Variants in NALF1 observed in about 807,000 individuals in gnomAD.
The protein encoded by NALF1 is family with sequence similarity 155 member A.
NALF1 carries 3 observed loss-of-function variants against 48.4 expected under a neutral mutation model. The ratio of observed to expected loss-of-function variants is 0.06; its 90% CI spans 0.03 to 0.16. NALF1 has a LOEUF of 0.16. NALF1 is among the 10% of genes least tolerant of loss of function. The pLI, the probability that NALF1 is intolerant of heterozygous loss-of-function variation, is 1.00. For missense variants in NALF1, 526 were observed against 571.5 expected (o/e 0.92, Z 0.81); for synonymous variants, 262 against 245.7 (o/e 1.07, Z -0.62).
intron 1 of NALF1, among the ~76,000 whole-genome samples, chr13:107,505,492 T>G (rs1377194932): frequency 6.6e-6 from 1 of 152,136 alleles, no homozygotes; most frequent in Non-Finnish European, 1.5e-5. Flanking sequence ...TGCTAGAGGC[T>G]GATTTATATG....
intron 1 of NALF1, among the ~76,000 whole-genome samples, chr13:107,404,794 G>A (rs148390334): frequency 6.6e-6 from 1 of 152,154 alleles, no homozygotes; most frequent in Non-Finnish European, 1.5e-5. Flanking sequence ...TGGGTGAATA[G>A]TCCAGTTACA....
chr13:107,406,483 T>C (rs942464620), intron 1 of NALF1, among the ~76,000 whole-genome samples: 1 of 151,914 alleles, frequency 6.6e-6, no homozygotes, highest in Non-Finnish European at 1.5e-5. Context: ...CAATGAAAAC[T>C]ATAAAACACT....
At chr13:107,447,526 G>A (rs1373403946) in intron 1 of NALF1, among the ~76,000 whole-genome samples, 1 of 152,180 alleles carries the variant, frequency 6.6e-6, no homozygotes, top group Admixed American at 6.5e-5. Flanking sequence ...CTTCTACTGA[G>A]CTTTACCAAT....
At chr13:107,737,575 C>CA (rs1300143551) in intron 1 of NALF1, among the ~76,000 whole-genome samples, 6 of 151,480 alleles carry the variant, frequency 4.0e-5, no homozygotes, top group East Asian at 1.9e-4. Flanking sequence ...TTTCTTAATC[C>CA]AAAAAAAATT....
At chr13:107,240,002 G>T (rs756131813) in intron 1 of NALF1, among the ~76,000 whole-genome samples, 4 of 152,096 alleles carry the variant, frequency 2.6e-5, no homozygotes, top group Non-Finnish European at 5.9e-5. Context: ...AATCAAATCT[G>T]GTAAGAAAGT....
At chr13:107,811,443 C>G (rs1439622530) in intron 1 of NALF1, among the ~76,000 whole-genome samples, 2 of 152,130 alleles carry the variant, frequency 1.3e-5, no homozygotes, top group African/African-American at 4.8e-5. Context: ...ATCTCTGTTA[C>G]AGTTCTATAT....
At chr13:107,505,151 T>G (rs1351675201) in intron 1 of NALF1, among the ~76,000 whole-genome samples, 1 of 152,106 alleles carries the variant, frequency 6.6e-6, no homozygotes, top group Non-Finnish European at 1.5e-5. Flanking sequence ...ACAGGAGAAG[T>G]GGCTGGGGTG....
intron 1 of NALF1, among the ~76,000 whole-genome samples, chr13:107,700,939 C>T (rs1382403234): frequency 6.6e-6 from 1 of 152,044 alleles, no homozygotes; most frequent in Non-Finnish European, 1.5e-5. Flanking sequence ...TTCTATATCA[C>T]CTTAAGCCCA....
intron 1 of NALF1, among the ~76,000 whole-genome samples, chr13:107,709,886 G>A (rs1383313567): frequency 6.6e-6 from 1 of 152,062 alleles, no homozygotes; most frequent in African/African-American, 2.4e-5. Flanking sequence ...CATAGCTCTC[G>A]GTCTCAAATA....
chr13:107,412,747 A>G (rs952392901), intron 1 of NALF1, among the ~76,000 whole-genome samples: 5 of 152,316 alleles, frequency 3.3e-5, no homozygotes, highest in Admixed American at 6.5e-5. Flanking sequence ...AAAAAAATGC[A>G]TATCTACCCA....
At chr13:107,281,085 T>C (rs535643161) in intron 1 of NALF1, among the ~76,000 whole-genome samples, 65 of 152,334 alleles carry the variant, frequency 4.3e-4, no homozygotes, top group African/African-American at 1.5e-3. Context: ...CAAATATTCA[T>C]TGGTGAATTT....
At chr13:107,581,700 GC>G (rs1356708832) in intron 1 of NALF1, among the ~76,000 whole-genome samples, 2 of 152,142 alleles carry the variant, frequency 1.3e-5, no homozygotes, top group African/African-American at 4.8e-5. Flanking sequence ...AGGTCCTTGA[GC>G]CCTGTACAGC....
At chr13:107,632,471 A>C (rs933872468) in intron 1 of NALF1, among the ~76,000 whole-genome samples, 1 of 151,822 alleles carries the variant, frequency 6.6e-6, no homozygotes, top group African/African-American at 2.4e-5. Flanking sequence ...TAAGGAACCC[A>C]CCTCCCTAAT....
At chr13:107,265,995 A>G (rs1881031270) in intron 1 of NALF1, among the ~76,000 whole-genome samples, 1 of 152,146 alleles carries the variant, frequency 6.6e-6, no homozygotes. Context: ...TTCTTCTCTC[A>G]AGCTTCCTGA....
intron 1 of NALF1, among the ~76,000 whole-genome samples, chr13:107,723,848 C>A (rs1429103354): frequency 6.6e-6 from 1 of 152,156 alleles, no homozygotes; most frequent in African/African-American, 2.4e-5. Flanking sequence ...TAAATCATTT[C>A]ATCCTGTTTA....
chr13:107,812,420 T>C (rs1879023672), intron 1 of NALF1, among the ~76,000 whole-genome samples: 2 of 152,152 alleles, frequency 1.3e-5, no homozygotes, highest in South Asian at 4.1e-4. Context: ...TGGGTTCTTT[T>C]GATTTATGTG....
chr13:107,600,304 G>C (rs1423090363), intron 1 of NALF1, among the ~76,000 whole-genome samples: 1 of 151,984 alleles, frequency 6.6e-6, no homozygotes, highest in Non-Finnish European at 1.5e-5. Flanking sequence ...ACAAGAACAG[G>C]GCAATGTTAG....
In NALF1 at chr13:107,521,924, T is replaced by TAC. The variant is rs894148949; in HGVS notation, c.916-311171_916-311170dup. Reference sequence around the variant, plus strand: ...TCACAAGCACCTTTCTTCTTCAACTTACACACACACACACACATACACACA... The same window carrying TAC: ...TCACAAGCACCTTTCTTCTTCAACTTACACACACACACACACACATACACACA... On this transcript the variant is annotated intron_variant, in intron 1 of 2. Coordinates refer to ENST00000375915, the MANE Select transcript of NALF1 (RefSeq NM_001080396.3). 4.1e-3 allele frequency among the ~76,000 whole-genome samples: 615 copies of TAC among 148,352 alleles called. 3 individuals carry two copies. Among genetic ancestry groups the TAC allele is most frequent in the African/African-American group, 0.013 (528 of 40,370 alleles).
intron 1 of NALF1, among the ~76,000 whole-genome samples, chr13:107,484,926 T>A (rs1885304268): frequency 6.6e-6 from 1 of 152,138 alleles, no homozygotes; most frequent in Non-Finnish European, 1.5e-5. Flanking sequence ...AAATCCCTTT[T>A]GCAGAGTATT....
Sources: gnomAD v4.1 joint callset for allele counts (sites outside exome capture counted in the v4.1 genomes callset) on GRCh38, gnomAD v4.1.1 for gene constraint, MANE v1.5 for transcripts, NCBI Gene and HGNC (gene_info 2026-07-23, HGNC 2026-07-21) for gene names.